Variants in CASR observed in about 807,000 individuals in gnomAD.
CASR encodes extracellular calcium-sensing receptor.
CASR carries 23 observed loss-of-function variants against 69.1 expected under a neutral mutation model. The observed-to-expected ratio is 0.33, with a 90% confidence interval of 0.24 to 0.47. CASR has a LOEUF of 0.47. Among genes scored for constraint, CASR ranks in the 20% least tolerant of loss-of-function variants. CASR has a pLI of 1.00. For missense variants in CASR, 924 were observed against 1,356.1 expected (o/e 0.68, Z 5.00); for synonymous variants, 541 against 544.7 (o/e 0.99, Z 0.10).
At chr3:122,228,082 TCTGAGA>T in intron 1 of CASR, among the ~76,000 whole-genome samples, 1 of 152,166 alleles carries the variant, frequency 6.6e-6, no homozygotes. Flanking sequence ...GAATTGGGGA[TCTGAGA>T]ACTGGTTCCA....
intron 1 of CASR, among the ~76,000 whole-genome samples, chr3:122,203,477 C>A (rs771315220): frequency 5.9e-5 from 9 of 152,112 alleles, no homozygotes; most frequent in Non-Finnish European, 1.3e-4. Context: ...GTATTGAATT[C>A]TTGTGGGCAG....
chr3:122,280,683 C>A (rs1384002552), intron 5 of CASR, among the ~76,000 whole-genome samples: 2 of 152,122 alleles, frequency 1.3e-5, no homozygotes, highest in Admixed American at 6.5e-5. Context: ...TAATGTCAAT[C>A]ATCTTCTGTT....
At chr3:122,206,313 C>T (rs959385582) in intron 1 of CASR, among the ~76,000 whole-genome samples, 7 of 151,480 alleles carry the variant, frequency 4.6e-5, no homozygotes, top group African/African-American at 1.7e-4. Flanking sequence ...ATCAAATGCC[C>T]TTTAAATATC....
intron 1 of CASR, among the ~76,000 whole-genome samples, chr3:122,216,890 T>C (rs535727959): frequency 6.6e-6 from 1 of 152,350 alleles, no homozygotes; most frequent in East Asian, 1.9e-4. Context: ...ATTTGGAATG[T>C]CTACTTTTTG....
Position 122,287,241 on chromosome 3 carries a change from C to T in CASR, c.*2050C>T, listed in dbSNP as rs2107653608. ...CAGGGTTTGACTTCAATGTCCATGT[C>T]ACCCAAGGGGCTTTAGGAGGAAAAC... On this transcript the variant is annotated 3_prime_UTR_variant, in exon 7 of 7. Coordinates refer to ENST00000639785, the MANE Select transcript of CASR (RefSeq NM_000388.4). 1 of 152,352 alleles carries T rather than the reference C, an allele frequency of 6.6e-6. No homozygotes were observed. The highest frequency in any genetic ancestry group is 2.1e-4 in the South Asian group (1 of 4,820). 9.4% of individuals were successfully genotyped at this position (152,352 alleles called of 1,614,324 possible).
intron 1 of CASR, among the ~76,000 whole-genome samples, chr3:122,184,869 C>T (rs890761579): frequency 4.6e-5 from 7 of 152,194 alleles, no homozygotes; most frequent in African/African-American, 1.7e-4. Context: ...GACTCGCTTG[C>T]CACGTGTTAA....
intron 1 of CASR, among the ~76,000 whole-genome samples, chr3:122,240,893 A>G (rs1329141885): frequency 6.6e-6 from 1 of 152,100 alleles, no homozygotes. Flanking sequence ...TGGAAACTAT[A>G]CAATCACATG....
At chr3:122,233,464 C>T (rs2074298834) in intron 1 of CASR, among the ~76,000 whole-genome samples, 1 of 152,180 alleles carries the variant, frequency 6.6e-6, no homozygotes, top group African/African-American at 2.4e-5. Flanking sequence ...CCACAGGTAC[C>T]CTGCTCTGGG....
chr3:122,263,642 G>C (rs2074654145), intron 4 of CASR, among the ~76,000 whole-genome samples: 2 of 152,158 alleles, frequency 1.3e-5, no homozygotes, highest in South Asian at 4.1e-4. Context: ...GAAAGACAAG[G>C]AGTGACTGTC....
At chr3:122,278,777 G>A (rs1384787120) in intron 5 of CASR, among the ~76,000 whole-genome samples, 2 of 152,146 alleles carry the variant, frequency 1.3e-5, no homozygotes, top group African/African-American at 4.8e-5. Flanking sequence ...AGACTGACCT[G>A]AGCGCGAATC....
chr3:122,269,977 G>A (rs1241224151), intron 4 of CASR, among the ~76,000 whole-genome samples: 1 of 152,072 alleles, frequency 6.6e-6, no homozygotes, highest in Non-Finnish European at 1.5e-5. Flanking sequence ...GAGTAGCTGG[G>A]ATTACAGGCA....
At chr3:122,201,673 G>C (rs1440884030) in intron 1 of CASR, among the ~76,000 whole-genome samples, 1 of 81,250 alleles carries the variant, frequency 1.2e-5, no homozygotes, top group Non-Finnish European at 3.1e-5. Context: ...GCCAGGCGGG[G>C]GCTGACCCCC....
rs759009566 is a variant in CASR at position 122,285,016 on chromosome 3, C to T, written c.3062C>T (p.Thr1021Met). 6.2e-7 allele frequency: 1 copy of T among 1,614,210 alleles called. No homozygotes were observed. The highest frequency in any genetic ancestry group is 8.5e-7 in the Non-Finnish European group (1 of 1,180,046). ...EPLLPLQCGE[T>M]DLDLTVQETG... ...TTACTCCCGCTGCAGTGCGGGGAAA[C>T]GGACTTAGATCTGACCGTCCAGGAA... The change falls in exon 7 of 7, where the codon ACG (threonine) becomes ATG (methionine). Residue 1021 changes from threonine (T) to methionine (M), a missense_variant. Physicochemically the swap from Thr to Met is moderately conservative, Grantham distance 81. Around this residue, in one of 8 missense-constraint regions of CASR, gnomAD observed 201 missense variants for 228.8 expected, o/e 0.88. Coordinates refer to ENST00000639785, the MANE Select transcript of CASR (RefSeq NM_000388.4).
intron 1 of CASR, among the ~76,000 whole-genome samples, chr3:122,253,219 C>T (rs886871936): frequency 6.6e-6 from 1 of 152,160 alleles, no homozygotes; most frequent in Non-Finnish European, 1.5e-5. Flanking sequence ...CAGATTTAAG[C>T]TTAAATATGA....
intron 1 of CASR, among the ~76,000 whole-genome samples, chr3:122,209,935 A>G (rs1225072489): frequency 1.3e-5 from 2 of 152,350 alleles, no homozygotes; most frequent in East Asian, 3.9e-4. Context: ...GGTTCAAATT[A>G]CACAAATAAA....
chr3:122,231,402 A>G (rs1222663611), intron 1 of CASR, among the ~76,000 whole-genome samples: 1 of 152,356 alleles, frequency 6.6e-6, no homozygotes, highest in South Asian at 2.1e-4. Context: ...CACTATCACC[A>G]TCATACGAAG....
intron 1 of CASR, among the ~76,000 whole-genome samples, chr3:122,211,993 C>A (rs6788304): frequency 0.73 from 110,256 of 152,068 alleles, 40,209 homozygotes; most frequent in Admixed American, 0.82. Flanking sequence ...TTGTGGAAGA[C>A]AGTGTGGCAT....
At chr3:122,277,081 C>T (rs891553615) in intron 5 of CASR, among the ~76,000 whole-genome samples, 8 of 138,644 alleles carry the variant, frequency 5.8e-5, no homozygotes, top group Admixed American at 2.3e-4. Flanking sequence ...TGGGGTCTGG[C>T]TCTGTTGCCT....
intron 6 of CASR, among the ~76,000 whole-genome samples, chr3:122,282,572 A>G (rs931496656): frequency 6.6e-6 from 1 of 152,230 alleles, no homozygotes; most frequent in African/African-American, 2.4e-5. Context: ...AGGCCATCAT[A>G]GAATTGCCTG....
Sources: gnomAD v4.1 joint callset for allele counts (sites outside exome capture counted in the v4.1 genomes callset) on GRCh38, gnomAD v4.1.1 for gene constraint, gnomAD v4.1.1 regional missense constraint, MANE v1.5 for transcripts, NCBI Gene and HGNC (gene_info 2026-07-23, HGNC 2026-07-21) for gene names.